Variants in BCORL1 observed in about 807,000 individuals in gnomAD.
BCORL1 encodes the protein BCL6 corepressor like 1.
Under a neutral mutation model 87.6 loss-of-function variants are expected in BCORL1, and 7 were observed. The observed-to-expected ratio is 0.08, with a 90% CI of 0.05 to 0.15. BCORL1 has a LOEUF of 0.15. Ranked by LOEUF, BCORL1 falls within the 10% of genes least tolerant of loss-of-function variation. The pLI is 1.00. For synonymous variants in BCORL1, 591 were observed against 634.4 expected (o/e 0.93, Z 1.03); for missense variants, 1,215 against 1,499.7 (o/e 0.81, Z 3.13).
At chrX:129,983,277 G>A (rs1398729297) in intron 1 of BCORL1, among the ~76,000 whole-genome samples, 1 of 109,405 alleles carries the variant, frequency 9.1e-6, no homozygotes, top group Non-Finnish European at 1.9e-5. Context: ...GTTGATCCTG[G>A]GGGGGAAACC....
intron 4 of BCORL1, among the ~76,000 whole-genome samples, chrX:130,016,836 G>A (rs1317720781): frequency 2.7e-5 from 3 of 111,765 alleles, no homozygotes; most frequent in Non-Finnish European, 5.6e-5. Context: ...GGTCTTGACA[G>A]GCTATGGATG....
At chrX:129,996,332 T>A (rs984088827) in intron 1 of BCORL1, among the ~76,000 whole-genome samples, 3 of 111,757 alleles carry the variant, frequency 2.7e-5, no homozygotes, top group African/African-American at 6.5e-5. Context: ...TTTCATTTTT[T>A]AAAGTCATAA....
intron 2 of BCORL1, among the ~76,000 whole-genome samples, chrX:130,007,774 G>T (rs749599724): frequency 3.8e-4 from 43 of 111,837 alleles, no homozygotes; most frequent in African/African-American, 1.2e-3. Flanking sequence ...CTCCAACCGG[G>T]GTGACAGAGC....
Position 130,056,289 on chromosome X carries a change from C to A in BCORL1, c.*153C>A. ...ATCAATGCCAGCATTAGCGACTGGACTGTTTTTGTTTTTTTGGTTACAATT... is the reference window on the plus strand; with the variant it reads ...ATCAATGCCAGCATTAGCGACTGGAATGTTTTTGTTTTTTTGGTTACAATT... On this transcript the variant is annotated 3_prime_UTR_variant, in exon 14 of 14. Transcript: ENST00000540052. 1.7e-6 allele frequency: 1 copy of A among 594,129 alleles called. No individual in the cohort carries two copies. The highest frequency in any genetic ancestry group is 2.5e-6 in the Non-Finnish European group (1 of 405,651). The allele number at this position is 594,129 out of a possible 1,213,427, so 49.0% of individuals were successfully genotyped here. A position where few individuals can be genotyped will look rare whatever the true frequency, so the allele number is the denominator to read the frequency against.
At chrX:130,009,200 C>T (rs774246462) in intron 2 of BCORL1, among the ~76,000 whole-genome samples, 35 of 111,349 alleles carry the variant, frequency 3.1e-4, no homozygotes, top group Admixed American at 1.4e-3. Flanking sequence ...CACGGTGACT[C>T]ACGCCTATAA....
intron 11 of BCORL1, among the ~76,000 whole-genome samples, chrX:130,041,495 G>A (rs1044481464): frequency 9.0e-6 from 1 of 111,523 alleles, no homozygotes; most frequent in Admixed American, 9.6e-5. Flanking sequence ...CACTATGCCC[G>A]GCTAATTTTT....
chrX:130,051,957 T>G lies in BCORL1; in HGVS notation c.5016T>G (p.Phe1672Leu). ...DDPMEEDDFM[F>L]ELSDKPLLPC... ...CGATGGAGGAGGATGATTTCATGTT[T>G]GAACTCTCAGACAAGCCTCTTCTCC... The change falls in exon 13 of 14, where the codon TTT becomes TTG. Residue 1672 changes from phenylalanine (F) to leucine (L), a missense_variant. Transcript: ENST00000540052. 8.3e-7 allele frequency: 1 copy of G among 1,209,927 alleles called. No homozygotes were observed. Among genetic ancestry groups the G allele is most frequent in the Non-Finnish European group, 1.1e-6 (1 of 894,317 alleles).
chrX:130,024,308 C>G (rs1296701804), intron 6 of BCORL1, among the ~76,000 whole-genome samples: 1 of 110,932 alleles, frequency 9.0e-6, no homozygotes, highest in African/African-American at 3.3e-5. Flanking sequence ...GGAAGCTCCA[C>G]CCCTGAACTC....
intron 1 of BCORL1, among the ~76,000 whole-genome samples, chrX:129,991,638 G>A (rs867988499): frequency 9.5e-6 from 1 of 105,185 alleles, no homozygotes; most frequent in Admixed American, 1.0e-4. Context: ...CACTGTGCCC[G>A]GCAGAAAATA....
chrX:130,007,957 T>C (rs940630941), intron 2 of BCORL1, among the ~76,000 whole-genome samples: 2 of 111,578 alleles, frequency 1.8e-5, no homozygotes, highest in African/African-American at 3.3e-5. Context: ...GGAGTCTTGC[T>C]CTGTTGCTCA....
chrX:130,024,902 C>G (rs1359438676), intron 6 of BCORL1, 88 bp from the exon 7 acceptor site: 9 of 1,128,343 alleles, frequency 8.0e-6, no homozygotes, highest in Non-Finnish European at 1.1e-5. Flanking sequence ...CCCAGACCTT[C>G]AAACTCCTAG....
chrX:130,040,943 C>T (rs1207827313), intron 11 of BCORL1, among the ~76,000 whole-genome samples: 1 of 111,231 alleles, frequency 9.0e-6, no homozygotes, highest in Non-Finnish European at 1.9e-5. Flanking sequence ...ACTGCCATCC[C>T]GAGGGTCTCA....
At chrX:130,039,087 C>T (rs772658707) in intron 10 of BCORL1, 50 bp from the exon 11 acceptor site, 5 of 1,191,185 alleles carry the variant, frequency 4.2e-6, no homozygotes, top group African/African-American at 3.5e-5. Flanking sequence ...GTGTAGACAC[C>T]CCAGTTCCCA....
intron 1 of BCORL1, among the ~76,000 whole-genome samples, chrX:129,993,936 C>CG (rs1365714149): frequency 2.7e-5 from 3 of 109,839 alleles, no homozygotes; most frequent in Non-Finnish European, 5.7e-5. Flanking sequence ...AGATGCCCCC[C>CG]CACCATGCCC....
At chrX:130,019,279 T>C (rs56338629) in intron 4 of BCORL1, among the ~76,000 whole-genome samples, 420 of 112,668 alleles carry the variant, frequency 3.7e-3, no homozygotes, top group African/African-American at 0.013. Context: ...TGTTCTGTTT[T>C]ACTTGTTTTT....
At chrX:130,023,093 G>A (rs149886091) in intron 6 of BCORL1, 116 bp downstream of exon 6, 417 of 631,445 alleles carry the variant, frequency 6.6e-4, no homozygotes, top group Non-Finnish European at 8.2e-4. Flanking sequence ...TTGATTCACT[G>A]TGCCACAATG....
chrX:129,989,302 ATTTTTTTTTTT>A (rs34124916), intron 1 of BCORL1, among the ~76,000 whole-genome samples: 6 of 71,714 alleles, frequency 8.4e-5, no homozygotes, highest in East Asian at 8.8e-4. Flanking sequence ...TGCCCGGCTA[ATTTTTTTTTTT>A]TTTTTTTTTT....
intron 5 of BCORL1, among the ~76,000 whole-genome samples, chrX:130,022,111 T>C (rs985819892): frequency 9.0e-6 from 1 of 111,168 alleles, no homozygotes; most frequent in Non-Finnish European, 1.9e-5. Context: ...CCGTTTTTTC[T>C]CTGTTCACTG....
At chrX:130,049,736 A>G (rs750544788) in intron 11 of BCORL1, among the ~76,000 whole-genome samples, 1 of 112,697 alleles carries the variant, frequency 8.9e-6, no homozygotes, top group South Asian at 3.6e-4. Context: ...AAAGGATTTT[A>G]TGAAGATAAA....
Sources: gnomAD v4.1 joint callset for allele counts (sites outside exome capture counted in the v4.1 genomes callset) on GRCh38, gnomAD v4.1.1 for gene constraint, MANE v1.5 for transcripts, NCBI Gene and HGNC (gene_info 2026-07-23, HGNC 2026-07-21) for gene names.